Variants in DOCK3 observed in about 807,000 individuals in gnomAD.
The protein encoded by DOCK3 is dedicator of cytokinesis protein 3.
Under a neutral mutation model 265.6 loss-of-function variants are expected in DOCK3, and 60 were observed. The ratio of observed to expected loss-of-function variants is 0.23; its 90% CI spans 0.18 to 0.28. DOCK3 has a LOEUF of 0.28. Among genes scored for constraint, DOCK3 ranks in the 10% least tolerant of loss-of-function variants. The pLI is 1.00. For synonymous variants in DOCK3, 881 were observed against 938.0 expected, an observed-to-expected ratio of 0.94 and a Z score of 1.11; for missense variants, 1,981 against 2,594.3, an observed-to-expected ratio of 0.76 and a Z score of 5.14.
At chr3:50,871,922 A>G (rs556875402) in intron 3 of DOCK3, among the ~76,000 whole-genome samples, 2 of 152,274 alleles carry the variant, frequency 1.3e-5, no homozygotes, top group African/African-American at 2.4e-5. Context: ...TACCTGATAG[A>G]ATTCTGGATT....
intron 1 of DOCK3, among the ~76,000 whole-genome samples, chr3:50,741,144 T>TA (rs2038994586): frequency 6.6e-6 from 1 of 151,460 alleles, no homozygotes; most frequent in African/African-American, 2.4e-5. Flanking sequence ...TATATATATA[T>TA]TATATATATG....
chr3:51,282,968 A>G (rs529704148), intron 27 of DOCK3, among the ~76,000 whole-genome samples: 2 of 152,232 alleles, frequency 1.3e-5, no homozygotes, highest in South Asian at 2.1e-4. Flanking sequence ...ATCCACCAAC[A>G]TAGTAAAAGA....
At chr3:50,761,489 G>A (rs1370978971) in intron 1 of DOCK3, among the ~76,000 whole-genome samples, 1 of 152,180 alleles carries the variant, frequency 6.6e-6, no homozygotes. Flanking sequence ...GGTTGATTCA[G>A]AATGTAGTCT....
intron 10 of DOCK3, among the ~76,000 whole-genome samples, chr3:51,154,899 T>A (rs946569927): frequency 6.6e-6 from 1 of 152,222 alleles, no homozygotes; most frequent in East Asian, 1.9e-4. Context: ...TCTGCCACAA[T>A]GGGAAGGCAC....
chr3:51,016,732 A>ATAT (rs2079309145), intron 5 of DOCK3, among the ~76,000 whole-genome samples: 2 of 38,190 alleles, frequency 5.2e-5, no homozygotes, highest in African/African-American at 2.9e-4. Flanking sequence ...TATATATGAT[A>ATAT]CATATTATAT....
At chr3:50,757,092 A>G (rs1395763394) in intron 1 of DOCK3, among the ~76,000 whole-genome samples, 1 of 150,732 alleles carries the variant, frequency 6.6e-6, no homozygotes, top group Non-Finnish European at 1.5e-5. Flanking sequence ...GGCTCAAGCA[A>G]TCCATCTGCC....
At chr3:51,119,161 T>C (rs748036542) in intron 9 of DOCK3, among the ~76,000 whole-genome samples, 9 of 152,134 alleles carry the variant, frequency 5.9e-5, no homozygotes, top group Non-Finnish European at 1.0e-4. Flanking sequence ...CAGGCCTGGG[T>C]AGTGACACAA....
intron 3 of DOCK3, chr3:50,877,164 GA>G: frequency 7.0e-6 from 2 of 287,014 alleles, no homozygotes; most frequent in East Asian, 8.7e-5. Flanking sequence ...AAGCCACCTG[GA>G]AAAGAGCCAT....
chr3:51,217,804 C>T (rs2089867861), intron 14 of DOCK3, among the ~76,000 whole-genome samples: 2 of 152,224 alleles, frequency 1.3e-5, no homozygotes, highest in Non-Finnish European at 2.9e-5. Flanking sequence ...AAGAGTATAA[C>T]CTGAAAGGAA....
chr3:50,721,685 T>A (rs1362515504), intron 1 of DOCK3, among the ~76,000 whole-genome samples: 1 of 152,232 alleles, frequency 6.6e-6, no homozygotes, highest in East Asian at 1.9e-4. Flanking sequence ...TAGTTCTTTT[T>A]GGTTTCATAT....
At chr3:50,976,637 G>C (rs2077461525) in intron 5 of DOCK3, among the ~76,000 whole-genome samples, 1 of 151,868 alleles carries the variant, frequency 6.6e-6, no homozygotes, top group South Asian at 2.1e-4. Flanking sequence ...GGGGTGGAGA[G>C]TTCTCTAGAT....
Position 51,356,173 on chromosome 3 carries a change from T to TCTATCG in DOCK3, c.4336_4341dup (p.Tyr1446_Arg1447dup). ...AGGGTACCAGATCGAGTCAAGAGCT[T>TCTATCG]CTATCGCGTCAACAATGTGAGGAAG... On this transcript the variant is annotated inframe_insertion, in exon 42 of 53. Coordinates refer to ENST00000266037, the MANE Select transcript of DOCK3 (RefSeq NM_004947.5). 2 of 1,614,000 alleles carry TCTATCG rather than the reference T, an allele frequency of 1.2e-6. No homozygotes were observed. The highest frequency in any genetic ancestry group is 1.7e-6 in the Non-Finnish European group (2 of 1,179,892).
intron 27 of DOCK3, among the ~76,000 whole-genome samples, chr3:51,299,572 C>G (rs1024978339): frequency 1.3e-5 from 2 of 152,134 alleles, no homozygotes; most frequent in Non-Finnish European, 2.9e-5. Flanking sequence ...AGTCTTTGAT[C>G]CATCTTCAAT....
intron 31 of DOCK3, among the ~76,000 whole-genome samples, chr3:51,314,249 G>A (rs1013095377): frequency 1.3e-5 from 2 of 152,156 alleles, no homozygotes; most frequent in Non-Finnish European, 2.9e-5. Context: ...CCAATGAGAG[G>A]GAAACCCACA....
At chr3:50,818,309 ATTTTCTGGGGT>A (rs1161178587) in intron 2 of DOCK3, among the ~76,000 whole-genome samples, 4 of 151,766 alleles carry the variant, frequency 2.6e-5, no homozygotes, top group Non-Finnish European at 5.9e-5. Context: ...AATTCCTAAT[ATTTTCTGGGGT>A]TTTGTAATGG....
chr3:51,003,716 T>C (rs745406332), intron 5 of DOCK3, among the ~76,000 whole-genome samples: 3 of 152,208 alleles, frequency 2.0e-5, no homozygotes, highest in Non-Finnish European at 2.9e-5. Context: ...AACATGTTTG[T>C]CTCTTGGAAT....
intron 5 of DOCK3, among the ~76,000 whole-genome samples, chr3:51,021,782 C>T (rs1048149058): frequency 3.9e-5 from 6 of 152,050 alleles, no homozygotes; most frequent in African/African-American, 1.4e-4. Flanking sequence ...CTGCCTCAGC[C>T]TCCTGAGTAG....
intron 4 of DOCK3, among the ~76,000 whole-genome samples, chr3:50,931,309 A>C (rs2051055956): frequency 6.6e-6 from 1 of 152,222 alleles, no homozygotes; most frequent in Admixed American, 6.5e-5. Flanking sequence ...ATCTGACTGC[A>C]GCAGTTTACA....
At chr3:51,323,137 A>G (rs1238810516) in intron 32 of DOCK3, among the ~76,000 whole-genome samples, 1 of 152,252 alleles carries the variant, frequency 6.6e-6, no homozygotes, top group Admixed American at 6.5e-5. Context: ...AAGGAGATCA[A>G]TGCAACAAGA....
Sources: gnomAD v4.1 joint callset for allele counts (sites outside exome capture counted in the v4.1 genomes callset) on GRCh38, gnomAD v4.1.1 for gene constraint, MANE v1.5 for transcripts, NCBI Gene and HGNC (gene_info 2026-07-23, HGNC 2026-07-21) for gene names.